The following CDH9 variants were observed in gnomAD, a reference collection of about 807,000 sequenced individuals.
CDH9 encodes the protein cadherin 9.
A neutral mutation model predicts 70.9 loss-of-function variants in CDH9; 28 were observed. The ratio of observed to expected loss-of-function variants is 0.40; its 90% CI spans 0.29 to 0.54. The LOEUF is 0.54. Ranked by LOEUF, CDH9 falls within the 20% of genes least tolerant of loss-of-function variation. CDH9 has a pLI of 0.59. For missense variants in CDH9, 874 were observed against 984.4 expected (o/e 0.89, Z 1.50); for synonymous variants, 409 against 343.1 (o/e 1.19, Z -2.12).
intron 1 of CDH9, among the ~76,000 whole-genome samples, chr5:27,001,271 A>G (rs544301162): frequency 1.3e-5 from 2 of 152,262 alleles, no homozygotes; most frequent in Non-Finnish European, 2.9e-5. Context: ...TAATTTTCCA[A>G]AGTTGAGTGC....
chr5:26,890,681 C>T (rs1287811578), intron 7 of CDH9, 117 bp from the exon 8 acceptor site: 4 of 704,792 alleles, frequency 5.7e-6, no homozygotes, highest in Non-Finnish European at 9.7e-6. Flanking sequence ...ATGCAAAATG[C>T]TAACAACTTT....
Position 26,881,048 on chromosome 5 carries a change from G to A in CDH9, c.*88C>T. On this transcript the variant is annotated 3_prime_UTR_variant, in exon 12 of 12. Coordinates refer to ENST00000231021, the MANE Select transcript of CDH9 (RefSeq NM_016279.4). Reference sequence around the variant, plus strand: ...TTGTTTGTAACTTCAATTTTTGAAAGATTTCCTCCCAGGAAGAGAATGCAG... The same window carrying A: ...TTGTTTGTAACTTCAATTTTTGAAAAATTTCCTCCCAGGAAGAGAATGCAG... 2 of 1,277,612 alleles carry A rather than the reference G, an allele frequency of 1.6e-6. No individual in the cohort carries two copies. Among genetic ancestry groups the A allele is most frequent in the Non-Finnish European group, 2.2e-6 (2 of 927,118 alleles). The allele number at this position is 1,277,612 out of a possible 1,614,324, so 79.1% of individuals were successfully genotyped here. A position where few individuals can be genotyped will look rare whatever the true frequency, so the allele number is the denominator to read the frequency against.
At chr5:27,021,133 G>C (rs989382061) in intron 1 of CDH9, among the ~76,000 whole-genome samples, 1 of 151,712 alleles carries the variant, frequency 6.6e-6, no homozygotes, top group Non-Finnish European at 1.5e-5. Context: ...CATATTAGGG[G>C]AGTCTCTCCT....
intron 2 of CDH9, among the ~76,000 whole-genome samples, chr5:26,921,540 A>G (rs77926361): frequency 6.6e-6 from 1 of 152,150 alleles, no homozygotes; most frequent in East Asian, 1.9e-4. Flanking sequence ...TGGACAAACA[A>G]AAAGGTGGAA....
At chr5:26,978,647 C>A (rs1742344486) in intron 2 of CDH9, among the ~76,000 whole-genome samples, 2 of 142,624 alleles carry the variant, frequency 1.4e-5, no homozygotes, top group African/African-American at 2.6e-5. Context: ...CTAAGGAGGC[C>A]AGTGAATTTC....
intron 3 of CDH9, among the ~76,000 whole-genome samples, chr5:26,914,621 A>C (rs1741116905): frequency 6.6e-6 from 1 of 152,048 alleles, no homozygotes; most frequent in African/African-American, 2.4e-5. Context: ...ATACGTTTTT[A>C]AAAATTCTTG....
In CDH9 at chr5:26,880,994, G is replaced by A. The variant is rs1464525496; in HGVS notation, c.*142C>T. The A allele has an allele frequency of 2.9e-6, 2 of 689,814 alleles. No homozygotes were observed. Among genetic ancestry groups the A allele is most frequent in the African/African-American group, 3.6e-5 (2 of 55,126 alleles). The allele number at this position is 689,814 out of a possible 1,614,324, so 42.7% of individuals were successfully genotyped here. A position where few individuals can be genotyped will look rare whatever the true frequency, so the allele number is the denominator to read the frequency against. On this transcript the variant is annotated 3_prime_UTR_variant, in exon 12 of 12. Transcript: ENST00000231021. ...TCATTCACAAAGACTTACTGATTAA[G>A]CAAATCCCTACTTGACAACATCTAC...
Position 26,977,868 on chromosome 5 carries a change from T to C in CDH9, c.228+10238A>G, listed in dbSNP as rs557168387. Among the ~76,000 whole-genome samples, 194 of 152,216 alleles carry C rather than the reference T, an allele frequency of 1.3e-3. 1 individual carries two copies. The highest frequency in any genetic ancestry group is 2.6e-3 in the Admixed American group (40 of 15,290). Reference sequence around the variant, plus strand: ...TCAAGTTCCTTTTAAGTAGATGTGCTTGGTAAACACTTTGGGGTTTTCAGT... The same window carrying C: ...TCAAGTTCCTTTTAAGTAGATGTGCCTGGTAAACACTTTGGGGTTTTCAGT... On this transcript the variant is annotated intron_variant, in intron 2 of 11. Coordinates refer to ENST00000231021, the MANE Select transcript of CDH9 (RefSeq NM_016279.4).
intron 7 of CDH9, among the ~76,000 whole-genome samples, chr5:26,901,138 G>A (rs529357255): frequency 7.2e-5 from 11 of 151,940 alleles, no homozygotes; most frequent in African/African-American, 1.7e-4. Flanking sequence ...TTTTAATTAA[G>A]CATTTTATGT....
intron 1 of CDH9, among the ~76,000 whole-genome samples, chr5:27,002,497 A>T (rs1742788304): frequency 6.6e-6 from 1 of 152,194 alleles, no homozygotes; most frequent in African/African-American, 2.4e-5. Flanking sequence ...ACTATTCACA[A>T]TAGCAAAGAC....
intron 2 of CDH9, among the ~76,000 whole-genome samples, chr5:26,920,711 A>C (rs1436753526): frequency 6.6e-6 from 1 of 152,160 alleles, no homozygotes; most frequent in Non-Finnish European, 1.5e-5. Context: ...CTGGTAATGC[A>C]GGTAATTCTC....
At chr5:26,917,499 T>C (rs918059555) in intron 2 of CDH9, among the ~76,000 whole-genome samples, 13 of 152,256 alleles carry the variant, frequency 8.5e-5, no homozygotes, top group African/African-American at 3.1e-4. Flanking sequence ...CCCATTTACA[T>C]CCTGCCCTCA....
chr5:26,955,412 A>G (rs1741929340), intron 2 of CDH9, among the ~76,000 whole-genome samples: 2 of 152,206 alleles, frequency 1.3e-5, no homozygotes, highest in Admixed American at 1.3e-4. Context: ...GCAGGGCCAC[A>G]TTCCTTTCCT....
At chr5:26,910,886 C>T (rs988455306) in intron 3 of CDH9, among the ~76,000 whole-genome samples, 2 of 152,238 alleles carry the variant, frequency 1.3e-5, no homozygotes, top group South Asian at 4.1e-4. Context: ...AAACAGTGCC[C>T]TTGACATAAA....
intron 4 of CDH9, among the ~76,000 whole-genome samples, 180 bp from the exon 5 acceptor site, chr5:26,906,306 G>A (rs1232711627): frequency 6.6e-6 from 1 of 151,960 alleles, no homozygotes; most frequent in Non-Finnish European, 1.5e-5. Flanking sequence ...ATTTTCCCAC[G>A]GGCTATAGTT....
At position 26,880,961 on chromosome 5, in the gene CDH9, A is replaced by G. The variant is rs1427899660; in HGVS notation, c.*175T>C. The G allele has an allele frequency of 5.8e-6, 3 of 515,756 alleles. No individual in the cohort carries two copies. The highest frequency in any genetic ancestry group is 2.0e-5 in the African/African-American group (1 of 50,840). 31.9% of individuals were successfully genotyped at this position (515,756 alleles called of 1,614,324 possible). A position where few individuals can be genotyped will look rare whatever the true frequency, so the allele number is the denominator to read the frequency against. On this transcript the variant is annotated 3_prime_UTR_variant, in exon 12 of 12. Coordinates refer to ENST00000231021, the MANE Select transcript of CDH9 (RefSeq NM_016279.4). Reference sequence around the variant, plus strand: ...TATTACTTTTTTAAAAATCTGTATCATTCGTATTCATTCACAAAGACTTAC... The same window carrying G: ...TATTACTTTTTTAAAAATCTGTATCGTTCGTATTCATTCACAAAGACTTAC...
chr5:26,940,995 C>T (rs1741653271), intron 2 of CDH9, among the ~76,000 whole-genome samples: 1 of 152,152 alleles, frequency 6.6e-6, no homozygotes, highest in African/African-American at 2.4e-5. Context: ...ATAAATTGTG[C>T]TTAGCACAGA....
intron 2 of CDH9, among the ~76,000 whole-genome samples, chr5:26,971,856 C>A (rs186474973): frequency 6.6e-6 from 1 of 151,830 alleles, no homozygotes. Flanking sequence ...AACCACTGAC[C>A]GGCAGGTGAG....
chr5:26,883,643 T>C (rs1740512008), intron 11 of CDH9, among the ~76,000 whole-genome samples: 1 of 152,126 alleles, frequency 6.6e-6, no homozygotes, highest in Non-Finnish European at 1.5e-5. Flanking sequence ...ACACAGCATG[T>C]GTGATTTGAT....
Sources: gnomAD v4.1 joint callset for allele counts (sites outside exome capture counted in the v4.1 genomes callset) on GRCh38, gnomAD v4.1.1 for gene constraint, MANE v1.5 for transcripts, NCBI Gene and HGNC (gene_info 2026-07-23, HGNC 2026-07-21) for gene names.